Variants in SFTPC observed in about 807,000 individuals in gnomAD.
SFTPC encodes surfactant protein C.
SFTPC carries 12 observed loss-of-function variants against 19.9 expected under a neutral mutation model. The ratio of observed to expected loss-of-function variants is 0.60; its 90% confidence interval spans 0.39 to 0.98. SFTPC has a LOEUF of 0.98. Ranked by LOEUF, SFTPC falls within the 50% of genes least tolerant of loss-of-function variation. SFTPC has a pLI of 0.00. For synonymous variants in SFTPC, 123 were observed against 103.3 expected, an observed-to-expected ratio of 1.19 and a Z score of -1.16; for missense variants, 219 against 252.2, an observed-to-expected ratio of 0.87 and a Z score of 0.89.
chr8:22,160,709 G>C (rs973299654), upstream of SFTPC, among the ~76,000 whole-genome samples: 4 of 152,182 alleles, frequency 2.6e-5, no homozygotes, highest in Non-Finnish European at 5.9e-5. Context: ...GAGGTGAAGG[G>C]ACTTTAGAGA....
upstream of SFTPC, chr8:22,159,657 G>A (rs1827634973): frequency 1.6e-6 from 1 of 618,594 alleles, no homozygotes; most frequent in Non-Finnish European, 2.7e-6. Flanking sequence ...GGACCAGAAA[G>A]AGCAGAGGCT....
At chr8:22,159,152 G>A (rs776854339), upstream of SFTPC, 19 of 154,492 alleles carry the variant, frequency 1.2e-4, no homozygotes, top group Non-Finnish European at 2.0e-4. Context: ...CACTGTTCAC[G>A]CCTGTAATCT....
upstream of SFTPC, among the ~76,000 whole-genome samples, chr8:22,158,302 C>T (rs975820000): frequency 5.3e-5 from 8 of 152,192 alleles, no homozygotes; most frequent in African/African-American, 1.7e-4. Flanking sequence ...CACATTTAGC[C>T]GCCCTCCCCA....
At position 22,162,589 on chromosome 8, in the gene SFTPC, C is replaced by T. The variant is rs777698296; in HGVS notation, c.58C>T (p.Pro20Ser). Residue 20 changes from proline to serine, a missense_variant, in exon 2 of 6, where the codon CCC becomes TCC. By Grantham distance (74) the Pro-to-Ser change is moderately conservative (BLOSUM62 -1). Transcript: ENST00000679463. ...MESPPDYSAA[P>S]RGRFGIPCCP... ...ACCGTGTCAGGACTACTCCGCAGCT[C>T]CCCGGGGCCGATTTGGCATTCCCTG... The T allele has an allele frequency of 4.3e-6, 7 of 1,613,844 alleles. No homozygotes were observed. The South Asian group carries it at 5.5e-5, about 13-fold the overall frequency.
chr8:22,163,245 G>A lies in SFTPC; in HGVS notation c.324+43G>A, dbSNP rs550706851. The A allele has an allele frequency of 6.6e-5, 107 of 1,613,844 alleles. 1 individual carries two copies. The South Asian group carries it at 1.1e-3, about 17-fold the overall frequency. On this transcript the variant is annotated intron_variant, in intron 3 of 5. Coordinates refer to ENST00000679463, the MANE Select transcript of SFTPC (RefSeq NM_001317778.2). ...TCCTGACCCTGGGACCAATGACAAG[G>A]CTCTGCTAGAGCCACCCAGCTGGGC...
chr8:22,163,063 C>T lies in SFTPC; in HGVS notation c.202-17C>T. 1 of 1,613,854 alleles carries T rather than the reference C, an allele frequency of 6.2e-7. No individual in the cohort carries two copies. The highest frequency in any genetic ancestry group is 1.1e-5 in the South Asian group (1 of 91,058). ...TAGGAAAGGGGAAGACCAGGTGGCTCCATGCCCTTTCCCCAGGTTCTGGAG... is the reference window on the plus strand; with the variant it reads ...TAGGAAAGGGGAAGACCAGGTGGCTTCATGCCCTTTCCCCAGGTTCTGGAG... On this transcript the variant is annotated splice_polypyrimidine_tract_variant and intron_variant, in intron 2 of 5. Transcript: ENST00000679463.
At chr8:22,161,532 C>A (rs879569099), upstream of SFTPC, 7 of 611,518 alleles carry the variant, frequency 1.1e-5, no homozygotes, top group Admixed American at 1.9e-4. Flanking sequence ...CAGGAAGACA[C>A]CCATGGTGAG....
chr8:22,163,365 T>C, intron 3 of SFTPC, 71 bp from the exon 4 acceptor site: 2 of 1,509,848 alleles, frequency 1.3e-6, no homozygotes, highest in South Asian at 1.1e-5. Context: ...TAGAGGGAGG[T>C]GGCTAAGGAC....
upstream of SFTPC, chr8:22,159,767 C>A: frequency 1.6e-6 from 2 of 1,289,516 alleles, no homozygotes; most frequent in Non-Finnish European, 2.0e-6. Context: ...ACAACATGGC[C>A]CCCCGAGATG....
upstream of SFTPC, chr8:22,161,565 A>T: frequency 3.0e-6 from 3 of 983,728 alleles, no homozygotes; most frequent in Non-Finnish European, 2.9e-6. Flanking sequence ...CCCGAGGGCA[A>T]GTTTGCTCAA....
chr8:22,163,046 G>A, intron 2 of SFTPC, 34 bp from the exon 3 acceptor site: 2 of 1,613,474 alleles, frequency 1.2e-6, no homozygotes, highest in Non-Finnish European at 1.7e-6. Context: ...AGTAGGAAAG[G>A]GGAAGACCAG....
chr8:22,163,859 A>G lies in SFTPC; in HGVS notation c.436-42A>G, dbSNP rs1233986496. ...CCACAATAAGGGCTGCACATGGGAT[A>G]GAAACTCACTTCCTACATTCCAGAT... On this transcript the variant is annotated intron_variant, in intron 4 of 5. Transcript: ENST00000679463. The G allele has an allele frequency of 5.1e-6, 8 of 1,556,854 alleles. No homozygotes were observed. In the Admixed American group the frequency reaches 1.2e-4, roughly 23 times the overall value.
At chr8:22,158,509 C>T (rs538923681), upstream of SFTPC, 3 of 152,388 alleles carry the variant, frequency 2.0e-5, no homozygotes, top group Admixed American at 6.5e-5. Flanking sequence ...GTGGGGCTGT[C>T]CATCACTCAG....
chr8:22,159,681 A>G (rs961473810), upstream of SFTPC: 6 of 809,152 alleles, frequency 7.4e-6, no homozygotes, highest in Admixed American at 2.3e-5. Context: ...TCAAAGAAAG[A>G]GATCCCTCTC....
At chr8:22,163,225 A>G in intron 3 of SFTPC, 23 bp downstream of exon 3, 1 of 1,613,962 alleles carries the variant, frequency 6.2e-7, no homozygotes, top group Non-Finnish European at 8.5e-7. Flanking sequence ...AGACCTCCTG[A>G]CCCTGGGACC....
chr8:22,159,431 T>C, upstream of SFTPC: 1 of 284,124 alleles, frequency 3.5e-6, no homozygotes, highest in Non-Finnish European at 6.9e-6. Flanking sequence ...AGGGGGAAAT[T>C]TGGCACACCC....
At chr8:22,163,048 G>T (rs769996149) in intron 2 of SFTPC, 32 bp from the exon 3 acceptor site, 1 of 1,613,540 alleles carries the variant, frequency 6.2e-7, no homozygotes, top group Non-Finnish European at 8.5e-7. Context: ...TAGGAAAGGG[G>T]AAGACCAGGT....
chr8:22,159,919 G>C (rs1443542584), upstream of SFTPC: 1 of 962,238 alleles, frequency 1.0e-6, no homozygotes, highest in Non-Finnish European at 1.4e-6. Flanking sequence ...GGCCCTGGGG[G>C]AGGGCAGGGG....
upstream of SFTPC, chr8:22,158,985 TG>T (rs1164573613): frequency 1.3e-5 from 2 of 152,200 alleles, no homozygotes; most frequent in Non-Finnish European, 2.9e-5. Context: ...ATGTAACTCA[TG>T]GGAACATTCA....
Sources: allele counts gnomAD v4.1 joint callset (sites outside exome capture counted in the v4.1 genomes callset), GRCh38; gene constraint gnomAD v4.1.1; transcripts MANE v1.5; gene names NCBI Gene and HGNC (gene_info 2026-07-23, HGNC 2026-07-21).